The following ASIC2 variants were observed in gnomAD, a reference collection of about 807,000 sequenced individuals.
ASIC2 encodes the protein acid-sensing ion channel 2.
In ASIC2, 25 loss-of-function variants were observed where a neutral mutation model predicts 57.3. The observed-to-expected ratio is 0.44, with a 90% CI of 0.32 to 0.61. ASIC2 has a LOEUF of 0.61. Among genes scored for constraint, ASIC2 ranks in the 20% least tolerant of loss-of-function variants. ASIC2 has a pLI of 0.06. For missense variants in ASIC2, 641 were observed against 738.1 expected, an observed-to-expected ratio of 0.87 and a Z score of 1.52; for synonymous variants, 319 against 307.5, an observed-to-expected ratio of 1.04 and a Z score of -0.39.
chr17:33,438,546 T>A (rs751599340), intron 1 of ASIC2, among the ~76,000 whole-genome samples: 5 of 152,144 alleles, frequency 3.3e-5, no homozygotes, highest in Non-Finnish European at 5.9e-5. Context: ...ATCATTTTGT[T>A]GAACACATTG....
intron 1 of ASIC2, among the ~76,000 whole-genome samples, chr17:33,563,189 G>C (rs1401269516): frequency 6.6e-6 from 1 of 152,196 alleles, no homozygotes; most frequent in African/African-American, 2.4e-5. Flanking sequence ...CTTCTGATAA[G>C]TGGGAAGACA....
intron 1 of ASIC2, among the ~76,000 whole-genome samples, chr17:33,152,539 G>A (rs1329228280): frequency 1.3e-5 from 2 of 152,212 alleles, no homozygotes; most frequent in Admixed American, 6.5e-5. Context: ...GAGTGAGCAA[G>A]GGAGACTGAA....
chr17:33,443,936 C>G (rs922081785), intron 1 of ASIC2, among the ~76,000 whole-genome samples: 1 of 152,146 alleles, frequency 6.6e-6, no homozygotes, highest in African/African-American at 2.4e-5. Flanking sequence ...GGGAGCCACT[C>G]CCATTCCTAC....
At chr17:33,718,515 C>T (rs1909292388) in intron 1 of ASIC2, among the ~76,000 whole-genome samples, 2 of 151,904 alleles carry the variant, frequency 1.3e-5, no homozygotes. Flanking sequence ...CCTCCCACAC[C>T]CCAACAATTT....
intron 1 of ASIC2, among the ~76,000 whole-genome samples, chr17:33,180,668 C>T (rs1254431889): frequency 6.6e-6 from 1 of 152,198 alleles, no homozygotes; most frequent in African/African-American, 2.4e-5. Context: ...AAAATTTCTA[C>T]TGGGAACCTG....
At chr17:33,346,293 A>G (rs891883257) in intron 1 of ASIC2, among the ~76,000 whole-genome samples, 3 of 149,080 alleles carry the variant, frequency 2.0e-5, no homozygotes, top group African/African-American at 4.9e-5. Context: ...ACCTATGTAC[A>G]TTTTCCAATG....
chr17:33,886,221 C>G (rs573782603), intron 1 of ASIC2, among the ~76,000 whole-genome samples: 2 of 152,146 alleles, frequency 1.3e-5, no homozygotes, highest in Admixed American at 6.5e-5. Flanking sequence ...GTAGAAGGCA[C>G]AGTAGCCCTT....
chr17:33,924,378 T>C (rs1314074373), intron 1 of ASIC2, among the ~76,000 whole-genome samples: 1 of 152,190 alleles, frequency 6.6e-6, no homozygotes, highest in African/African-American at 2.4e-5. Context: ...GGATGGTGTC[T>C]GAAACAGAAC....
intron 1 of ASIC2, among the ~76,000 whole-genome samples, chr17:33,957,228 T>C (rs17783827): frequency 0.11 from 16,317 of 152,204 alleles, 1,017 homozygotes; most frequent in Middle Eastern, 0.17. Flanking sequence ...TCTTCTTTAA[T>C]CCAGGTGCAT....
intron 1 of ASIC2, among the ~76,000 whole-genome samples, chr17:33,588,882 A>G (rs1477003156): frequency 6.6e-6 from 1 of 152,208 alleles, no homozygotes; most frequent in African/African-American, 2.4e-5. Flanking sequence ...TGTATCATTT[A>G]TGCTATATCA....
At chr17:33,503,235 G>A (rs557621709) in intron 1 of ASIC2, among the ~76,000 whole-genome samples, 1 of 152,280 alleles carries the variant, frequency 6.6e-6, no homozygotes, top group South Asian at 2.1e-4. Flanking sequence ...TGGATTTTTA[G>A]GTTAAAAGTT....
chr17:34,000,483 C>A (rs1392321095), intron 1 of ASIC2, among the ~76,000 whole-genome samples: 1 of 152,058 alleles, frequency 6.6e-6, no homozygotes, highest in African/African-American at 2.4e-5. Flanking sequence ...GAACTTCTGA[C>A]CTCAGGTGAA....
At chr17:33,508,908 C>T (rs528945249) in intron 1 of ASIC2, among the ~76,000 whole-genome samples, 6 of 152,126 alleles carry the variant, frequency 3.9e-5, no homozygotes, top group African/African-American at 1.2e-4. Context: ...AGTTTTGGAC[C>T]TGAATGGAGT....
At chr17:34,087,934 C>T (rs528789989) in intron 1 of ASIC2, among the ~76,000 whole-genome samples, 1 of 152,294 alleles carries the variant, frequency 6.6e-6, no homozygotes, top group East Asian at 1.9e-4. Context: ...TCTAGTTATA[C>T]ATTCTTCTAA....
intron 1 of ASIC2, among the ~76,000 whole-genome samples, chr17:33,799,435 T>TTTCTTCC (rs749340679): frequency 7.0e-5 from 3 of 43,016 alleles, no homozygotes; most frequent in African/African-American, 2.6e-4. Context: ...TTCTTCTTTC[T>TTTCTTCC]TTCTTTCTTT....
chr17:33,175,560 C>A (rs552292971), intron 1 of ASIC2, among the ~76,000 whole-genome samples: 2 of 151,754 alleles, frequency 1.3e-5, no homozygotes, highest in South Asian at 2.1e-4. Flanking sequence ...TGTAGTATTG[C>A]GGCGCTTGTG....
At chr17:33,361,163 T>A (rs112197719) in intron 1 of ASIC2, among the ~76,000 whole-genome samples, 4 of 152,218 alleles carry the variant, frequency 2.6e-5, no homozygotes, top group African/African-American at 9.6e-5. Context: ...GAATGGAGGA[T>A]AAATGAAATG....
intron 1 of ASIC2, among the ~76,000 whole-genome samples, chr17:33,926,946 A>G (rs1915835411): frequency 1.3e-5 from 2 of 151,056 alleles, no homozygotes; most frequent in African/African-American, 2.4e-5. Context: ...TTTTTTTTTG[A>G]GACAGAGTCT....
intron 1 of ASIC2, among the ~76,000 whole-genome samples, chr17:33,613,369 C>CTTT (rs546720725): frequency 1.6e-5 from 2 of 126,842 alleles, no homozygotes; most frequent in African/African-American, 5.9e-5. Context: ...AATGTGTATT[C>CTTT]TTTTTTTTTT....
Sources: allele counts gnomAD v4.1 joint callset (sites outside exome capture counted in the v4.1 genomes callset), GRCh38; gene constraint gnomAD v4.1.1; transcripts MANE v1.5; gene names NCBI Gene and HGNC (gene_info 2026-07-23, HGNC 2026-07-21).